Variants in OPCML observed in about 807,000 individuals in gnomAD.
OPCML encodes the protein opioid-binding protein/cell adhesion molecule.
Under a neutral mutation model 37.8 loss-of-function variants are expected in OPCML, and 13 were observed. The ratio of observed to expected loss-of-function variants is 0.34; its 90% confidence interval spans 0.22 to 0.55. OPCML has a LOEUF of 0.55. Among genes scored for constraint, OPCML ranks in the 20% least tolerant of loss-of-function variants. The pLI is 0.91. For synonymous variants in OPCML, 176 were observed against 168.8 expected (o/e 1.04, Z -0.33); for missense variants, 341 against 435.6 (o/e 0.78, Z 1.93).
intron 1 of OPCML, among the ~76,000 whole-genome samples, chr11:133,329,015 C>T (rs1270517697): frequency 6.6e-6 from 1 of 152,154 alleles, no homozygotes; most frequent in East Asian, 1.9e-4. Context: ...GTACAAAAAT[C>T]ACAAGCATTC....
At chr11:133,269,992 G>T (rs904593388) in intron 1 of OPCML, among the ~76,000 whole-genome samples, 4 of 152,094 alleles carry the variant, frequency 2.6e-5, no homozygotes, top group Admixed American at 6.5e-5. Flanking sequence ...ATACAAGAAG[G>T]CTTAAATAAA....
rs1203062761 is a variant in OPCML at position 132,417,986 on chromosome 11, C to A, written c.*2207G>T. ...AATGTAACATTAATTTCACTCACAC[C>A]AGCTCTACCTCTTAAGACAGTGCTT... On this transcript the variant is annotated 3_prime_UTR_variant, in exon 8 of 8. Coordinates refer to ENST00000524381, the MANE Select transcript of OPCML (RefSeq NM_001012393.5). The A allele has an allele frequency of 6.6e-6, 1 of 152,204 alleles. No individual in the cohort carries two copies. The allele number at this position is 152,204 out of a possible 1,614,324, so 9.4% of individuals were successfully genotyped here.
intron 1 of OPCML, among the ~76,000 whole-genome samples, chr11:133,347,637 G>T (rs1230802183): frequency 1.3e-5 from 2 of 152,158 alleles, no homozygotes; most frequent in Non-Finnish European, 2.9e-5. Flanking sequence ...GCTTCAAGAA[G>T]ATGAAGATCC....
intron 1 of OPCML, among the ~76,000 whole-genome samples, chr11:133,333,388 GAA>G (rs146046958): frequency 6.7e-6 from 1 of 148,730 alleles, no homozygotes; most frequent in South Asian, 2.1e-4. Context: ...CAAGCAATGG[GAA>G]AAAAAAAACT....
At chr11:133,138,235 A>G (rs1405017709) in intron 1 of OPCML, among the ~76,000 whole-genome samples, 1 of 152,190 alleles carries the variant, frequency 6.6e-6, no homozygotes, top group Non-Finnish European at 1.5e-5. Flanking sequence ...GACGCAGTGT[A>G]TGACCTTCAC....
intron 1 of OPCML, among the ~76,000 whole-genome samples, chr11:133,102,040 T>G (rs900970855): frequency 6.6e-6 from 1 of 152,182 alleles, no homozygotes; most frequent in African/African-American, 2.4e-5. Flanking sequence ...GTAAGAAAAT[T>G]AGTGGTTTCC....
Position 132,780,563 on chromosome 11 carries a change from T to C in OPCML, c.147-123244A>G, listed in dbSNP as rs1371918632. The stretch of plus-strand genomic sequence containing the variant: ...AGGAAAGATACCGATTAAAAATCAC[T>C]GGTTTCCTCCTGCAAATCCATGAGT... On this transcript the variant is annotated intron_variant, in intron 2 of 7. Transcript: ENST00000524381. Among the ~76,000 whole-genome samples, 4 of 152,342 alleles carry C rather than the reference T, an allele frequency of 2.6e-5. No homozygotes were observed. In the East Asian group the frequency reaches 7.7e-4, roughly 29 times the overall value.
chr11:133,469,759 G>A (rs116263227), intron 1 of OPCML, among the ~76,000 whole-genome samples: 3,177 of 152,086 alleles, frequency 0.021, 108 homozygotes, highest in African/African-American at 0.073. Context: ...GTGCTCCTCC[G>A]ACTATTTTAT....
chr11:133,348,136 T>C (rs998987560), intron 1 of OPCML, among the ~76,000 whole-genome samples: 35 of 152,196 alleles, frequency 2.3e-4, no homozygotes, highest in African/African-American at 8.2e-4. Flanking sequence ...TCTTCTTTGA[T>C]TACTCACTGT....
chr11:133,246,217 A>G (rs1167574646), intron 1 of OPCML, among the ~76,000 whole-genome samples: 1 of 152,228 alleles, frequency 6.6e-6, no homozygotes, highest in East Asian at 1.9e-4. Flanking sequence ...TTCAATGCAC[A>G]TTTATTATCT....
At chr11:132,464,447 G>A (rs759285582) in intron 4 of OPCML, among the ~76,000 whole-genome samples, 5 of 152,156 alleles carry the variant, frequency 3.3e-5, no homozygotes, top group South Asian at 4.1e-4. Context: ...TAAGCTCCAC[G>A]AGAGCAAGAA....
At chr11:133,511,303 C>T (rs931819769) in intron 1 of OPCML, among the ~76,000 whole-genome samples, 3 of 152,148 alleles carry the variant, frequency 2.0e-5, no homozygotes, top group African/African-American at 4.8e-5. Context: ...AAAGCGAGTC[C>T]TGCTACTCCT....
intron 1 of OPCML, among the ~76,000 whole-genome samples, chr11:133,012,105 G>A (rs1431897644): frequency 6.6e-6 from 1 of 152,172 alleles, no homozygotes; most frequent in Non-Finnish European, 1.5e-5. Context: ...ATTGGGCAAT[G>A]CCTGAAGATA....
At chr11:133,054,870 C>A (rs1352833055) in intron 1 of OPCML, among the ~76,000 whole-genome samples, 1 of 151,854 alleles carries the variant, frequency 6.6e-6, no homozygotes, top group East Asian at 1.9e-4. Flanking sequence ...TACAATGCTG[C>A]CTCCATGATA....
intron 2 of OPCML, among the ~76,000 whole-genome samples, chr11:132,899,481 C>A (rs1293267367): frequency 6.6e-6 from 1 of 152,102 alleles, no homozygotes; most frequent in Non-Finnish European, 1.5e-5. Context: ...GAGATTAGTG[C>A]ATTTTCAGTT....
At chr11:132,703,284 G>GA (rs1943903092) in intron 2 of OPCML, among the ~76,000 whole-genome samples, 3 of 152,158 alleles carry the variant, frequency 2.0e-5, no homozygotes, top group Non-Finnish European at 4.4e-5. Context: ...ACAAGGGTAA[G>GA]TATTCATGTA....
chr11:132,725,463 A>G (rs1944844595), intron 2 of OPCML, among the ~76,000 whole-genome samples: 1 of 152,188 alleles, frequency 6.6e-6, no homozygotes, highest in South Asian at 2.1e-4. Context: ...GGGAGGGGCT[A>G]CTGCGAAGAT....
intron 2 of OPCML, among the ~76,000 whole-genome samples, chr11:132,927,209 T>G (rs1313164664): frequency 6.6e-6 from 1 of 151,954 alleles, no homozygotes; most frequent in Non-Finnish European, 1.5e-5. Flanking sequence ...TCAATGAACT[T>G]TAAGTAGGAT....
At chr11:133,034,602 A>G (rs1446240507) in intron 1 of OPCML, among the ~76,000 whole-genome samples, 1 of 152,176 alleles carries the variant, frequency 6.6e-6, no homozygotes, top group Non-Finnish European at 1.5e-5. Context: ...CTGTGCCTCA[A>G]CGTTCTTCAA....
Sources: allele counts gnomAD v4.1 joint callset (sites outside exome capture counted in the v4.1 genomes callset), GRCh38; gene constraint gnomAD v4.1.1; transcripts MANE v1.5; gene names NCBI Gene and HGNC (gene_info 2026-07-23, HGNC 2026-07-21).